PHEX: variants seen among roughly 807,000 people sequenced by gnomAD.
The protein encoded by PHEX is phosphate regulating endopeptidase X-linked, also known as phosphate-regulating neutral endopeptidase PHEX.
A neutral mutation model predicts 68.0 loss-of-function variants in PHEX; 16 were observed. That is an observed-to-expected ratio of 0.24 (90% CI 0.16 to 0.36). PHEX has a LOEUF of 0.36. Among genes scored for constraint, PHEX ranks in the 10% least tolerant of loss-of-function variants. PHEX has a pLI of 1.00. For synonymous variants in PHEX, 208 were observed against 205.1 expected, an observed-to-expected ratio of 1.01 and a Z score of -0.12; for missense variants, 480 against 575.5, an observed-to-expected ratio of 0.83 and a Z score of 1.70.
intron 2 of PHEX, among the ~76,000 whole-genome samples, chrX:22,040,581 TG>T (rs1202247153): frequency 8.9e-6 from 1 of 111,962 alleles, no homozygotes; most frequent in East Asian, 2.8e-4. Context: ...CCGGAGGACA[TG>T]ACCTTGGAGG....
At chrX:22,058,832 T>A (rs1928234500) in intron 3 of PHEX, among the ~76,000 whole-genome samples, 2 of 111,969 alleles carry the variant, frequency 1.8e-5, no homozygotes, top group Non-Finnish European at 3.8e-5. Context: ...GGACATGGAG[T>A]CTCACTCTGT....
chrX:22,211,846 G>A (rs556754513), intron 15 of PHEX, among the ~76,000 whole-genome samples: 10 of 111,893 alleles, frequency 8.9e-5, no homozygotes, highest in African/African-American at 3.2e-4. Flanking sequence ...TTTACATGGC[G>A]GCAGGCAAGA....
At chrX:22,246,093 C>T (rs762591746) in intron 21 of PHEX, among the ~76,000 whole-genome samples, 14 of 111,453 alleles carry the variant, frequency 1.3e-4, no homozygotes, top group South Asian at 3.8e-4. Context: ...TATTTTGAAA[C>T]GGTAGCTTAT....
At chrX:22,147,152 G>GT (rs920749427) in intron 12 of PHEX, among the ~76,000 whole-genome samples, 50 of 109,229 alleles carry the variant, frequency 4.6e-4, no homozygotes, top group South Asian at 1.2e-3. Context: ...TGTTTCTTTT[G>GT]TTTTTTTTTG....
At chrX:22,063,264 T>C (rs1928454571) in intron 3 of PHEX, among the ~76,000 whole-genome samples, 1 of 112,480 alleles carries the variant, frequency 8.9e-6, no homozygotes, top group South Asian at 3.6e-4. Context: ...TTAATTTCTC[T>C]CCATTTACAT....
rs187713430 is a variant in PHEX at position 22,130,963 on chromosome X, C to T, written c.1303-2560C>T. ...AAACCCTCCCAATGCCCAGGCTGGA[C>T]CTCAGAACAATGATACTAGCATCCC... On this transcript the variant is annotated intron_variant, in intron 11 of 21. Coordinates refer to ENST00000379374, the MANE Select transcript of PHEX (RefSeq NM_000444.6). Among the ~76,000 whole-genome samples, 251 of 111,325 alleles carry T rather than the reference C, an allele frequency of 2.3e-3. 1 individual carries two copies. Among genetic ancestry groups the T allele is most frequent in the African/African-American group, 7.6e-3 (234 of 30,613 alleles).
intron 20 of PHEX, among the ~76,000 whole-genome samples, chrX:22,235,730 CTTATCATATATAGTTAG>C (rs1045866451): frequency 9.0e-6 from 1 of 111,026 alleles, no homozygotes; most frequent in Non-Finnish European, 1.9e-5. Context: ...ATTACCCTAT[CTTATCATATATAGTTAG>C]TTATCATATA....
At chrX:22,140,949 C>G (rs1932433342) in intron 12 of PHEX, among the ~76,000 whole-genome samples, 1 of 105,734 alleles carries the variant, frequency 9.5e-6, no homozygotes, top group Non-Finnish European at 1.9e-5. Flanking sequence ...GATGAGGAAA[C>G]TGAAGCACAG....
intron 11 of PHEX, among the ~76,000 whole-genome samples, chrX:22,116,095 T>C (rs930214351): frequency 1.6e-4 from 18 of 112,026 alleles, no homozygotes; most frequent in Admixed American, 1.4e-3. Context: ...GCGTTTCCTT[T>C]TTTTCCAGGA....
chrX:22,112,149 T>C (rs746140727), intron 10 of PHEX, among the ~76,000 whole-genome samples: 2 of 111,283 alleles, frequency 1.8e-5, no homozygotes, highest in East Asian at 5.7e-4. Flanking sequence ...GCTCTTTATT[T>C]ATTTATTTTT....
At chrX:22,225,893 C>T (rs1050594260) in intron 18 of PHEX, among the ~76,000 whole-genome samples, 1 of 111,740 alleles carries the variant, frequency 8.9e-6, no homozygotes, top group African/African-American at 3.3e-5. Flanking sequence ...TCATACATAT[C>T]GCAGACCTCG....
At chrX:22,051,994 A>G (rs935205817) in intron 3 of PHEX, among the ~76,000 whole-genome samples, 3 of 111,348 alleles carry the variant, frequency 2.7e-5, no homozygotes, top group Non-Finnish European at 3.8e-5. Context: ...ATCTTTTAAT[A>G]TATTCTATAT....
intron 3 of PHEX, among the ~76,000 whole-genome samples, chrX:22,057,858 A>C (rs1341506620): frequency 9.0e-6 from 1 of 111,616 alleles, no homozygotes; most frequent in East Asian, 2.8e-4. Flanking sequence ...GAAGAAAAGA[A>C]TGTGCCCTCT....
At chrX:22,135,655 C>G (rs1417599485) in intron 12 of PHEX, among the ~76,000 whole-genome samples, 1 of 111,838 alleles carries the variant, frequency 8.9e-6, no homozygotes, top group Non-Finnish European at 1.9e-5. Flanking sequence ...ACAGTTGGCC[C>G]TTCTCGGCAA....
Position 22,099,092 on chromosome X carries a change from G to A in PHEX, c.1020G>A (p.Val340=). 1 of 1,208,196 alleles carries A rather than the reference G, an allele frequency of 8.3e-7. No homozygotes were observed. Among genetic ancestry groups the A allele is most frequent in the Non-Finnish European group, 1.1e-6 (1 of 892,539 alleles). ...ACATCAGCCCCTCCGAGAATGTGGT[G>A]GTCCGCGTCCCGCAGTACTTTAAAG... ...LKDISPSENV[V]VRVPQYFKDL... Residue 340 remains valine (V), a synonymous_variant, in exon 9 of 22, where the codon GTG becomes GTA. Transcript: ENST00000379374.
intron 15 of PHEX, 36 bp from the exon 16 acceptor site, chrX:22,212,868 C>T (rs1248109979): frequency 9.2e-7 from 1 of 1,083,141 alleles, no homozygotes; most frequent in Admixed American, 2.2e-5. Flanking sequence ...TTGAATCAAT[C>T]TCTCTATATC....
At chrX:22,164,788 G>A (rs903773215) in intron 12 of PHEX, among the ~76,000 whole-genome samples, 5 of 112,106 alleles carry the variant, frequency 4.5e-5, no homozygotes, top group African/African-American at 1.6e-4. Context: ...ATACAATGCC[G>A]GAAATAATAG....
At chrX:22,238,087 C>A (rs1936047454) in intron 20 of PHEX, among the ~76,000 whole-genome samples, 1 of 111,925 alleles carries the variant, frequency 8.9e-6, no homozygotes, top group Non-Finnish European at 1.9e-5. Context: ...TAGTTTGAGA[C>A]CAGCCTGGCC....
chrX:22,043,072 C>A (rs1453572559), intron 2 of PHEX, among the ~76,000 whole-genome samples: 1 of 112,456 alleles, frequency 8.9e-6, no homozygotes, highest in Non-Finnish European at 1.9e-5. Flanking sequence ...GCCTGCCACT[C>A]CAGCCATTGC....
Sources: allele counts gnomAD v4.1 joint callset (sites outside exome capture counted in the v4.1 genomes callset), GRCh38; gene constraint gnomAD v4.1.1; transcripts MANE v1.5; gene names NCBI Gene and HGNC (gene_info 2026-07-23, HGNC 2026-07-21).